Variants in RRN3 observed in about 807,000 individuals in gnomAD.
RRN3 encodes RNA polymerase I transcription factor RRN3.
In RRN3, 38 loss-of-function variants were observed where a neutral mutation model predicts 82.3. The observed-to-expected ratio is 0.46, with a 90% CI of 0.36 to 0.61. The LOEUF (loss-of-function observed/expected upper bound fraction) is 0.61, where lower values mean the gene tolerates loss of function less well. RRN3 is among the 20% of genes least tolerant of loss of function. The pLI is 0.00. For missense variants in RRN3, 726 were observed against 793.1 expected, an observed-to-expected ratio of 0.92 and a Z score of 1.02; for synonymous variants, 284 against 284.3, an observed-to-expected ratio of 1.00 and a Z score of 0.01.
intron 15 of RRN3, 91 bp downstream of exon 15, chr16:15,068,078 T>C: frequency 2.1e-6 from 3 of 1,448,146 alleles, no homozygotes; most frequent in South Asian, 2.5e-5. Flanking sequence ...ATGTTACTAA[T>C]TTCATAGAAA....
In RRN3 at chr16:15,073,415, C is replaced by T. The variant is rs138288736; in HGVS notation, c.998-335G>A. Among the ~76,000 whole-genome samples, 275 of 152,176 alleles carry T rather than the reference C, an allele frequency of 1.8e-3. 2 individuals are homozygous for T. The highest frequency in any genetic ancestry group is 5.4e-3 in the Admixed American group (82 of 15,284). ...AAGGCTGCAGTAAGCCATGTTTGTG[C>T]GACTGCATTCCAGCCTGGGTTAGAG... On this transcript the variant is annotated intron_variant, in intron 11 of 17. Coordinates refer to ENST00000198767, the MANE Select transcript of RRN3 (RefSeq NM_018427.5).
At chr16:15,086,067 G>A (rs1403460593) in intron 5 of RRN3, 62 bp downstream of exon 5, 68 of 1,482,746 alleles carry the variant, frequency 4.6e-5, no homozygotes, top group Non-Finnish European at 6.1e-5. Flanking sequence ...ATATATAAGG[G>A]GAAGGTAGTA....
Position 15,064,316 on chromosome 16 carries a change from C to T in RRN3, c.1706+903G>A, listed in dbSNP as rs146438173. Among the ~76,000 whole-genome samples, 145 of 152,224 alleles carry T rather than the reference C, an allele frequency of 9.5e-4. 1 individual carries two copies. Among genetic ancestry groups the T allele is most frequent in the African/African-American group, 3.3e-3 (138 of 41,534 alleles). ...TCAGCCTCCCGAGTAGCTGGAATTA[C>T]AGGCGCCACCACCACACCCAGCTAA... On this transcript the variant is annotated intron_variant, in intron 16 of 17. Transcript: ENST00000198767.
At chr16:15,074,329 G>C (rs1329951097) in intron 11 of RRN3, among the ~76,000 whole-genome samples, 1 of 152,150 alleles carries the variant, frequency 6.6e-6, no homozygotes, top group African/African-American at 2.4e-5. Flanking sequence ...AGCACATATA[G>C]TACTAACACT....
intron 5 of RRN3, 129 bp from the exon 6 acceptor site, chr16:15,085,827 G>C: frequency 7.3e-7 from 1 of 1,367,978 alleles, no homozygotes; most frequent in Non-Finnish European, 9.9e-7. Context: ...TCCAAAGTTA[G>C]CCCAATGATT....
intron 17 of RRN3, among the ~76,000 whole-genome samples, chr16:15,062,338 C>T (rs531739147): frequency 6.6e-6 from 1 of 152,238 alleles, no homozygotes; most frequent in East Asian, 1.9e-4. Context: ...TTGTACCTAA[C>T]ACAATGTGAA....
chr16:15,091,715 C>G (rs2046136798), intron 2 of RRN3, among the ~76,000 whole-genome samples: 1 of 152,190 alleles, frequency 6.6e-6, no homozygotes, highest in African/African-American at 2.4e-5. Flanking sequence ...AGTATTCACT[C>G]AAATATGGAT....
At chr16:15,083,237 A>G (rs1173674382) in intron 8 of RRN3, among the ~76,000 whole-genome samples, 1 of 152,122 alleles carries the variant, frequency 6.6e-6, no homozygotes, top group Non-Finnish European at 1.5e-5. Context: ...TGTCTCTACT[A>G]AAAATACAAA....
At chr16:15,079,196 T>C (rs1386340905) in intron 9 of RRN3, among the ~76,000 whole-genome samples, 1 of 152,134 alleles carries the variant, frequency 6.6e-6, no homozygotes, top group South Asian at 2.1e-4. Context: ...TTTCCCTTAC[T>C]GTCTGCCTCC....
chr16:15,063,019 A>T lies in RRN3; in HGVS notation c.1794+177T>A, dbSNP rs182518076. On this transcript the variant is annotated intron_variant, in intron 17 of 17. Transcript: ENST00000198767. ...CCACCACGCCCAGCTAATTAAAAAAATTTTTGTAGAAACAGGGTGTCACTG... is the reference window on the plus strand; with the variant it reads ...CCACCACGCCCAGCTAATTAAAAAATTTTTTGTAGAAACAGGGTGTCACTG... Among the ~76,000 whole-genome samples, 694 of 152,272 alleles carry T rather than the reference A, an allele frequency of 4.6e-3. 7 individuals carry two copies. The highest frequency in any genetic ancestry group is 0.016 in the African/African-American group (658 of 41,540).
intron 16 of RRN3, among the ~76,000 whole-genome samples, chr16:15,064,079 A>G (rs1190246915): frequency 6.6e-6 from 1 of 152,222 alleles, no homozygotes; most frequent in Non-Finnish European, 1.5e-5. Context: ...AGAAACCATA[A>G]TAAGCAAAAA....
chr16:15,093,687 G>A (rs535019743), intron 1 of RRN3, among the ~76,000 whole-genome samples: 4 of 152,324 alleles, frequency 2.6e-5, no homozygotes, highest in South Asian at 4.1e-4. Context: ...GGGGGTTAGG[G>A]ATTTTAAAAG....
chr16:15,068,927 T>G (rs1472121689), intron 14 of RRN3, among the ~76,000 whole-genome samples: 1 of 152,192 alleles, frequency 6.6e-6, no homozygotes, highest in Non-Finnish European at 1.5e-5. Flanking sequence ...GATACGTATT[T>G]CAATAAAAAT....
intron 3 of RRN3, among the ~76,000 whole-genome samples, chr16:15,087,382 T>C (rs1187522257): frequency 6.6e-6 from 1 of 152,156 alleles, no homozygotes; most frequent in East Asian, 1.9e-4. Flanking sequence ...GAACGATTAA[T>C]AAGCAATCTG....
Position 15,060,085 on chromosome 16 carries a change from G to T in RRN3, c.*1659C>A. On this transcript the variant is annotated 3_prime_UTR_variant, in exon 18 of 18. Transcript: ENST00000198767. ...AGAACGTAAGTTCCAGATTAACCAT[G>T]TCATTGTTTCATTTTCACCATGGAT... 3.2e-6 allele frequency: 1 copy of T among 315,338 alleles called. No individual in the cohort carries two copies. The highest frequency in any genetic ancestry group is 6.3e-6 in the Non-Finnish European group (1 of 157,590). 19.5% of individuals were successfully genotyped at this position (315,338 alleles called of 1,614,324 possible).
chr16:15,062,626 GT>G (rs1292325356), intron 17 of RRN3, among the ~76,000 whole-genome samples: 1 of 152,174 alleles, frequency 6.6e-6, no homozygotes, highest in Non-Finnish European at 1.5e-5. Flanking sequence ...TAAAACTAAT[GT>G]AAACTGCTGG....
At chr16:15,067,531 C>T (rs865827703) in intron 15 of RRN3, among the ~76,000 whole-genome samples, 4 of 142,604 alleles carry the variant, frequency 2.8e-5, no homozygotes, top group Non-Finnish European at 6.2e-5. Flanking sequence ...GAACAGAACT[C>T]TCTAAACCAA....
At chr16:15,082,550 A>G (rs774458917) in intron 8 of RRN3, among the ~76,000 whole-genome samples, 7 of 151,898 alleles carry the variant, frequency 4.6e-5, no homozygotes, top group African/African-American at 9.7e-5. Context: ...CCCCATGTCT[A>G]TAGTCCCACC....
chr16:15,063,088 C>T (rs1360293426), intron 17 of RRN3, 108 bp downstream of exon 17: 2 of 856,142 alleles, frequency 2.3e-6, no homozygotes, highest in Non-Finnish European at 2.0e-6. Flanking sequence ...CCTTGACCCC[C>T]TAAAGTGCGG....
Sources: allele counts gnomAD v4.1 joint callset (sites outside exome capture counted in the v4.1 genomes callset), GRCh38; gene constraint gnomAD v4.1.1; transcripts MANE v1.5; gene names NCBI Gene and HGNC (gene_info 2026-07-23, HGNC 2026-07-21).